P2RY14: variants seen among roughly 807,000 people sequenced by gnomAD.
The protein encoded by P2RY14 is purinergic receptor P2Y14.
P2RY14 carries 2 observed loss-of-function variants against 0.9 expected under a neutral mutation model. The observed-to-expected ratio is 2.16, with a 90% CI of 0.88 to 6.79. P2RY14 has a LOEUF of 6.79. Ranked by LOEUF, P2RY14 falls within the 30% of genes most tolerant of loss-of-function variation. The pLI is 0.05. For missense variants in P2RY14, 378 were observed against 400.1 expected (o/e 0.94, Z 0.47); for synonymous variants, 158 against 147.2 (o/e 1.07, Z -0.53).
chr3:151,242,457 T>TCCCTGAC (rs566151668), intron 1 of P2RY14, among the ~76,000 whole-genome samples: 33 of 151,422 alleles, frequency 2.2e-4, no homozygotes, highest in African/African-American at 5.8e-4. Flanking sequence ...CTCAAGTGGG[T>TCCCTGAC]CCCTGACCCC....
chr3:151,223,460 A>G (rs562715671), intron 1 of P2RY14, among the ~76,000 whole-genome samples: 1 of 152,368 alleles, frequency 6.6e-6, no homozygotes, highest in East Asian at 1.9e-4. Context: ...TCAATGATGG[A>G]TTGGATGAAG....
intron 1 of P2RY14, among the ~76,000 whole-genome samples, chr3:151,242,749 G>A (rs1655398577): frequency 6.6e-6 from 1 of 152,196 alleles, no homozygotes; most frequent in Admixed American, 6.5e-5. Context: ...ACCAGCAGCG[G>A]AACAAAGCTG....
At chr3:151,222,410 C>T (rs1174963578) in intron 1 of P2RY14, among the ~76,000 whole-genome samples, 1 of 152,182 alleles carries the variant, frequency 6.6e-6, no homozygotes, top group East Asian at 1.9e-4. Context: ...CCACCCAAAT[C>T]TCATCTTGTG....
intron 1 of P2RY14, among the ~76,000 whole-genome samples, chr3:151,250,097 G>T (rs190860330): frequency 3.3e-5 from 5 of 152,178 alleles, no homozygotes; most frequent in Admixed American, 2.0e-4. Flanking sequence ...ATCCAAACTT[G>T]TTGGAAATGG....
intron 1 of P2RY14, among the ~76,000 whole-genome samples, chr3:151,276,246 G>A (rs1019970309): frequency 5.9e-5 from 9 of 152,132 alleles, no homozygotes; most frequent in African/African-American, 2.2e-4. Context: ...GTAGGTTTGG[G>A]GTCAATAATT....
At chr3:151,238,284 C>A (rs1318595298) in intron 1 of P2RY14, among the ~76,000 whole-genome samples, 1 of 152,106 alleles carries the variant, frequency 6.6e-6, no homozygotes, top group African/African-American at 2.4e-5. Flanking sequence ...GTAGCTGGGA[C>A]TACAGGCACC....
At chr3:151,230,010 C>G (rs1004781979) in intron 1 of P2RY14, among the ~76,000 whole-genome samples, 1 of 152,002 alleles carries the variant, frequency 6.6e-6, no homozygotes, top group African/African-American at 2.4e-5. Context: ...CGCTCTGTTG[C>G]CCAGGCTGGA....
chr3:151,238,336 G>A (rs901736094), intron 1 of P2RY14, among the ~76,000 whole-genome samples: 1 of 152,032 alleles, frequency 6.6e-6, no homozygotes, highest in Non-Finnish European at 1.5e-5. Flanking sequence ...TAGTAGAGAC[G>A]GGGTTTCACC....
chr3:151,224,055 C>A (rs1265125854), intron 1 of P2RY14, among the ~76,000 whole-genome samples: 1 of 152,116 alleles, frequency 6.6e-6, no homozygotes, highest in Non-Finnish European at 1.5e-5. Context: ...GTGACTGGTA[C>A]ATTGGTGTTA....
chr3:151,260,693 A>G (rs1738700649), intron 1 of P2RY14, among the ~76,000 whole-genome samples: 1 of 152,158 alleles, frequency 6.6e-6, no homozygotes, highest in Non-Finnish European at 1.5e-5. Context: ...GTACAGCTCA[A>G]TGCTGACCGG....
At chr3:151,228,058 C>G (rs1293211648) in intron 1 of P2RY14, among the ~76,000 whole-genome samples, 1 of 152,176 alleles carries the variant, frequency 6.6e-6, no homozygotes, top group Non-Finnish European at 1.5e-5. Flanking sequence ...TTGTTGGGGT[C>G]AGACCTTAAC....
intron 1 of P2RY14, among the ~76,000 whole-genome samples, chr3:151,259,744 C>A (rs1455356545): frequency 6.6e-6 from 1 of 152,170 alleles, no homozygotes; most frequent in African/African-American, 2.4e-5. Context: ...TCAGAGAATT[C>A]TTCCACTTAA....
At chr3:151,250,664 A>G (rs569751391) in intron 1 of P2RY14, among the ~76,000 whole-genome samples, 22 of 152,154 alleles carry the variant, frequency 1.4e-4, no homozygotes, top group Non-Finnish European at 3.1e-4. Flanking sequence ...TTGTTTATTC[A>G]TCTGTCCATA....
intron 1 of P2RY14, among the ~76,000 whole-genome samples, chr3:151,262,922 A>G (rs1178101037): frequency 2.0e-5 from 3 of 152,172 alleles, no homozygotes; most frequent in Non-Finnish European, 2.9e-5. Flanking sequence ...ATTTTGCCTG[A>G]AGACACGTAG....
At chr3:151,219,193 A>G (rs1728835530) in intron 2 of P2RY14, among the ~76,000 whole-genome samples, 1 of 152,208 alleles carries the variant, frequency 6.6e-6, no homozygotes, top group African/African-American at 2.4e-5. Context: ...GCAGTGTAAT[A>G]TCTTAGGATT....
At chr3:151,260,254 T>G (rs1458493761) in intron 1 of P2RY14, among the ~76,000 whole-genome samples, 1 of 152,210 alleles carries the variant, frequency 6.6e-6, no homozygotes, top group Non-Finnish European at 1.5e-5. Context: ...GACTTTCTGT[T>G]AAGAGTTGAT....
At chr3:151,240,485 G>C (rs1413419993) in intron 1 of P2RY14, among the ~76,000 whole-genome samples, 2 of 152,178 alleles carry the variant, frequency 1.3e-5, no homozygotes, top group African/African-American at 4.8e-5. Flanking sequence ...CAGCTGTTTG[G>C]CTTTATCTGT....
chr3:151,266,145 T>A (rs1012515303), intron 1 of P2RY14, among the ~76,000 whole-genome samples: 2 of 152,206 alleles, frequency 1.3e-5, no homozygotes, highest in African/African-American at 4.8e-5. Context: ...ACAACGTTGT[T>A]ACGGCAACTT....
intron 2 of P2RY14, among the ~76,000 whole-genome samples, chr3:151,219,314 A>G (rs1728860921): frequency 6.6e-6 from 1 of 152,210 alleles, no homozygotes; most frequent in Non-Finnish European, 1.5e-5. Context: ...CTCACTCCAG[A>G]AATACGTTCA....
Sources: gnomAD v4.1 joint callset for allele counts (sites outside exome capture counted in the v4.1 genomes callset) on GRCh38, gnomAD v4.1.1 for gene constraint, MANE v1.5 for transcripts, NCBI Gene and HGNC (gene_info 2026-07-23, HGNC 2026-07-21) for gene names.